Variants in FAM168B observed in about 807,000 individuals in gnomAD.
FAM168B encodes myelin-associated neurite-outgrowth inhibitor.
FAM168B carries 19 observed loss-of-function variants against 21.8 expected under a neutral mutation model. That is an observed-to-expected ratio of 0.87 (90% confidence interval 0.61 to 1.28). The LOEUF (loss-of-function observed/expected upper bound fraction) is 1.28. FAM168B is among the 50% of genes most tolerant of loss of function. The pLI is 0.00. For synonymous variants in FAM168B, 126 were observed against 104.8 expected, an observed-to-expected ratio of 1.20 and a Z score of -1.24; for missense variants, 233 against 263.1, an observed-to-expected ratio of 0.89 and a Z score of 0.79.
At chr2:131,055,511 G>A (rs1691968963) in intron 4 of FAM168B, 42 bp downstream of exon 4, 2 of 1,598,596 alleles carry the variant, frequency 1.3e-6, no homozygotes, top group Non-Finnish European at 1.7e-6. Context: ...ACGCCCAGGT[G>A]GTATCACCCC....
intron 2 of FAM168B, 122 bp downstream of exon 2, chr2:131,082,455 G>T: frequency 1.5e-6 from 1 of 645,340 alleles, no homozygotes; most frequent in South Asian, 2.1e-5. Context: ...TCACTTCCAG[G>T]TATTTTCTTT....
intron 3 of FAM168B, among the ~76,000 whole-genome samples, chr2:131,067,457 G>A (rs2105507168): frequency 6.6e-6 from 1 of 152,310 alleles, no homozygotes; most frequent in African/African-American, 2.4e-5. Context: ...GAAAGCAGCA[G>A]GGGCTGGGTG....
intron 2 of FAM168B, among the ~76,000 whole-genome samples, chr2:131,081,426 A>G (rs1693429207): frequency 6.6e-6 from 1 of 152,212 alleles, no homozygotes; most frequent in Admixed American, 6.5e-5. Context: ...CCCCAGGAGT[A>G]ACCAAGCCTG....
At chr2:131,056,502 C>A (rs1692027731) in intron 3 of FAM168B, among the ~76,000 whole-genome samples, 1 of 152,122 alleles carries the variant, frequency 6.6e-6, no homozygotes, top group South Asian at 2.1e-4. Context: ...TCTCCAGAAG[C>A]AGATAAAGAG....
rs921132276 is a variant in FAM168B, at chr2:131,049,954, A to G, written c.*2511T>C. ...TTTCCTAAGTCCAGATTCTTACCTG[A>G]TATCTACCTTTCGTATCTGACAGCT... On this transcript the variant is annotated 3_prime_UTR_variant, in exon 7 of 7. Transcript: ENST00000389915. 1.5e-5 allele frequency: 15 copies of G among 985,400 alleles called. No individual in the cohort carries two copies. The African/African-American group carries it at 1.9e-4, about 13-fold the overall frequency. 61.0% of individuals were successfully genotyped at this position (985,400 alleles called of 1,614,324 possible).
At chr2:131,069,105 A>G (rs1040306101) in intron 3 of FAM168B, among the ~76,000 whole-genome samples, 14 of 152,232 alleles carry the variant, frequency 9.2e-5, no homozygotes, top group African/African-American at 3.4e-4. Flanking sequence ...CTCAGTCTCC[A>G]CCCTGCCTCT....
chr2:131,083,543 A>C (rs1693528398), intron 1 of FAM168B, among the ~76,000 whole-genome samples: 1 of 152,236 alleles, frequency 6.6e-6, no homozygotes, highest in Non-Finnish European at 1.5e-5. Context: ...TTTGTCGCAA[A>C]AAAAACATGG....
intron 3 of FAM168B, among the ~76,000 whole-genome samples, chr2:131,062,750 C>T (rs1692368407): frequency 6.6e-6 from 1 of 152,114 alleles, no homozygotes; most frequent in South Asian, 2.1e-4. Context: ...GTCCGGCCTA[C>T]CCAAGGTGTC....
chr2:131,090,447 C>A (rs1559007917), intron 1 of FAM168B, among the ~76,000 whole-genome samples: 1 of 151,950 alleles, frequency 6.6e-6, no homozygotes, highest in Non-Finnish European at 1.5e-5. Context: ...TAACACGAGG[C>A]CTTTAAAATT....
chr2:131,086,421 T>C (rs1220163778), intron 1 of FAM168B, among the ~76,000 whole-genome samples: 1 of 152,112 alleles, frequency 6.6e-6, no homozygotes. Flanking sequence ...AAACGAGCCC[T>C]GGCAATATGG....
intron 3 of FAM168B, among the ~76,000 whole-genome samples, chr2:131,065,762 C>T (rs1692520397): frequency 1.4e-5 from 2 of 145,542 alleles, no homozygotes; most frequent in South Asian, 2.2e-4. Flanking sequence ...GCACTCCAGC[C>T]TGGGCAACAG....
intron 1 of FAM168B, among the ~76,000 whole-genome samples, chr2:131,088,250 G>GA (rs11284296): frequency 9.9e-5 from 15 of 150,876 alleles, no homozygotes; most frequent in African/African-American, 2.9e-4. Flanking sequence ...TGTCTGGGGG[G>GA]AAAAAAAAAT....
chr2:131,069,222 A>G (rs1454595174), intron 3 of FAM168B, among the ~76,000 whole-genome samples: 1 of 152,224 alleles, frequency 6.6e-6, no homozygotes, highest in Non-Finnish European at 1.5e-5. Flanking sequence ...ACATTTTCAC[A>G]CTGATTTGTG....
At chr2:131,082,855 A>G (rs1023342850) in intron 1 of FAM168B, among the ~76,000 whole-genome samples, 198 bp from the exon 2 acceptor site, 1 of 152,150 alleles carries the variant, frequency 6.6e-6, no homozygotes, top group East Asian at 1.9e-4. Flanking sequence ...GGCATGATAA[A>G]CTTTTTTTCA....
In FAM168B at chr2:131,055,252, C is replaced by A. The variant is rs757876838; in HGVS notation, c.475+20G>T. 3.3e-6 allele frequency: 5 copies of A among 1,526,700 alleles called. No homozygotes were observed. Among genetic ancestry groups the A allele is most frequent in the African/African-American group, 2.8e-5 (2 of 71,318 alleles). 94.6% of individuals were successfully genotyped at this position (1,526,700 alleles called of 1,614,324 possible). On this transcript the variant is annotated intron_variant, in intron 5 of 6. Coordinates refer to ENST00000389915, the MANE Select transcript of FAM168B (RefSeq NM_001009993.4). ...TCTAGGGTACACCATAGGACAGACA[C>A]CGCAGGAACGAGGACTTACCTGCTG... is the stretch of plus-strand genomic sequence containing the variant.
intron 1 of FAM168B, among the ~76,000 whole-genome samples, chr2:131,088,251 A>C (rs79216649): frequency 3.5e-5 from 3 of 85,970 alleles, no homozygotes; most frequent in South Asian, 3.7e-4. Flanking sequence ...GTCTGGGGGG[A>C]AAAAAAAATC....
At position 131,052,899 on chromosome 2, in the gene FAM168B, G is replaced by T. The variant is rs769833047; in HGVS notation, c.*4C>A. 5 of 1,553,262 alleles carry T rather than the reference G, an allele frequency of 3.2e-6. No homozygotes were observed. Among genetic ancestry groups the T allele is most frequent in the Non-Finnish European group, 2.6e-6 (3 of 1,147,730 alleles). On this transcript the variant is annotated 3_prime_UTR_variant, in exon 6 of 7. Coordinates refer to ENST00000389915, the MANE Select transcript of FAM168B (RefSeq NM_001009993.4). ...CTTCCCTGGTCACTTACATTTGCAG[G>T]TGATCACCACTGAGGGGGCACATAG... is the stretch of plus-strand genomic sequence containing the variant.
At chr2:131,066,566 A>G (rs1692570098) in intron 3 of FAM168B, among the ~76,000 whole-genome samples, 1 of 152,162 alleles carries the variant, frequency 6.6e-6, no homozygotes, top group Non-Finnish European at 1.5e-5. Flanking sequence ...GACTGTTTTG[A>G]CAATTTCAGA....
At chr2:131,065,807 G>GA (rs796177546) in intron 3 of FAM168B, among the ~76,000 whole-genome samples, 3,090 of 94,750 alleles carry the variant, frequency 0.033, 102 homozygotes, top group African/African-American at 0.098. Flanking sequence ...AAGAAAAAAA[G>GA]AAAAAAAAAA....
Sources: gnomAD v4.1 joint callset for allele counts (sites outside exome capture counted in the v4.1 genomes callset) on GRCh38, gnomAD v4.1.1 for gene constraint, MANE v1.5 for transcripts, NCBI Gene and HGNC (gene_info 2026-07-23, HGNC 2026-07-21) for gene names.